KIF26A: variants seen among roughly 807,000 people sequenced by gnomAD.
KIF26A encodes the protein kinesin-like protein KIF26A.
Under a neutral mutation model 126.0 loss-of-function variants are expected in KIF26A, and 74 were observed. The observed-to-expected ratio is 0.59, with a 90% confidence interval of 0.49 to 0.71. The LOEUF (loss-of-function observed/expected upper bound fraction) is 0.71. Among genes scored for constraint, KIF26A ranks in the 30% least tolerant of loss-of-function variants. KIF26A has a pLI of 0.00. For synonymous variants in KIF26A, 1,445 were observed against 1,232.7 expected (o/e 1.17, Z -3.61); for missense variants, 2,984 against 2,763.3 (o/e 1.08, Z -1.79).
Position 104,176,823 on chromosome 14 carries a change from T to A in KIF26A, c.4035T>A (p.Gly1345=). ...AGGCCTCCCCCACCAGCAAGAAGGG[T>A]CTGGCTCCCAAGGCGGGCTTCCTCC... The part of the protein sequence containing the change: ...SLKASPTSKK[G]LAPKAGFLPR... Residue 1345 remains glycine, a synonymous_variant, in exon 12 of 15, where the codon GGT becomes GGA. Coordinates refer to ENST00000423312, the MANE Select transcript of KIF26A (RefSeq NM_015656.2). 1 of 1,554,622 alleles carries A rather than the reference T, an allele frequency of 6.4e-7. No homozygotes were observed. Among genetic ancestry groups the A allele is most frequent in the Non-Finnish European group, 8.7e-7 (1 of 1,150,728 alleles).
At chr14:104,166,141 C>G (rs181633808) in intron 4 of KIF26A, among the ~76,000 whole-genome samples, 1 of 151,722 alleles carries the variant, frequency 6.6e-6, no homozygotes, top group Non-Finnish European at 1.5e-5. Context: ...AGGGTGGCAG[C>G]GGGGGCACTT....
chr14:104,179,374 T>C lies in KIF26A; in HGVS notation c.5455T>C (p.Trp1819Arg), dbSNP rs1012882300. 3.3e-6 allele frequency: 5 copies of C among 1,525,926 alleles called. No homozygotes were observed. The highest frequency in any genetic ancestry group is 4.4e-6 in the Non-Finnish European group (5 of 1,140,506). 94.5% of individuals were successfully genotyped at this position (1,525,926 alleles called of 1,614,324 possible). The stretch of plus-strand genomic sequence containing the variant: ...CCGGCTGATGCTGGAGCCTGGCCGC[T>C]GGCTGGAGCAGTGTGAGTCCCGCCC... Reference protein sequence around the residue: ...QGRLMLEPGRWLEQFEVDPEL... With the variant: ...QGRLMLEPGRRLEQFEVDPEL... Residue 1819 changes from tryptophan to arginine, a missense_variant, in exon 14 of 15, where the codon TGG (tryptophan) becomes CGG (arginine). Physicochemically the swap from Trp to Arg is moderately radical, Grantham distance 101 (BLOSUM62 -3). Transcript: ENST00000423312.
chr14:104,161,484 C>T (rs958964531), intron 4 of KIF26A, among the ~76,000 whole-genome samples: 4 of 152,206 alleles, frequency 2.6e-5, no homozygotes, highest in East Asian at 3.8e-4. Context: ...TGTTTGGAAG[C>T]GGTGATTTTT....
chr14:104,176,868 C>A lies in KIF26A; in HGVS notation c.4080C>A (p.Ala1360=), dbSNP rs143446561. 3.2e-6 allele frequency: 5 copies of A among 1,542,210 alleles called. No homozygotes were observed. The highest frequency in any genetic ancestry group is 1.2e-5 in the South Asian group (1 of 83,614). The change falls in exon 12 of 15, where the codon GCC becomes GCA. Residue 1360 remains alanine (A), a synonymous_variant. Coordinates refer to ENST00000423312, the MANE Select transcript of KIF26A (RefSeq NM_015656.2). ...TCCTCCCGAGGCCCAGTGGGGCGGC[C>A]CCCCCGGCCCCACCCACGCGGAAGT... ...AGFLPRPSGA[A]PPAPPTRKSS...
rs1176750164 is a variant in KIF26A, at chr14:104,176,418, C to A, written c.3630C>A (p.Leu1210=). Residue 1210 remains leucine (L), a synonymous_variant, in exon 12 of 15, where the codon CTC becomes CTA. Coordinates refer to ENST00000423312, the MANE Select transcript of KIF26A (RefSeq NM_015656.2). ...ASAAQTIHSS[L]PRKPRTASAT... ...CAGCCCAGACCATCCACTCCAGCCT[C>A]CCCCGGAAACCGAGGACTGCCTCTG... The A allele has an allele frequency of 4.4e-6, 7 of 1,593,104 alleles. No homozygotes were observed. The highest frequency in any genetic ancestry group is 6.0e-6 in the Non-Finnish European group (7 of 1,166,908).
At position 104,172,753 on chromosome 14, in the gene KIF26A, G is replaced by A. The variant is rs2037972392; in HGVS notation, c.1420+85G>A. The A allele has an allele frequency of 2.5e-6, 3 of 1,185,174 alleles. No individual in the cohort carries two copies. In the African/African-American group the frequency reaches 4.6e-5, roughly 18 times the overall value. The allele number at this position is 1,185,174 out of a possible 1,614,324, so 73.4% of individuals were successfully genotyped here. A position where few individuals can be genotyped will look rare whatever the true frequency, so the allele number is the denominator to read the frequency against. Reference sequence around the variant, plus strand: ...ACGGTGGTTGCTGGCAGCTTCTGATGGGAAAGGAGGCTGGTCCTACACATG... The same window carrying A: ...ACGGTGGTTGCTGGCAGCTTCTGATAGGAAAGGAGGCTGGTCCTACACATG... On this transcript the variant is annotated intron_variant, in intron 7 of 14. Coordinates refer to ENST00000423312, the MANE Select transcript of KIF26A (RefSeq NM_015656.2).
At chr14:104,165,789 CTCTG>C (rs1450980062) in intron 4 of KIF26A, among the ~76,000 whole-genome samples, 1 of 143,588 alleles carries the variant, frequency 7.0e-6, no homozygotes, top group Non-Finnish European at 1.6e-5. Flanking sequence ...GTCTCTGTGT[CTCTG>C]TGTGCATATG....
chr14:104,173,140 G>A lies in KIF26A; in HGVS notation c.1584G>A (p.Gln528=). The change falls in exon 8 of 15, where the codon CAG becomes CAA. Residue 528 remains glutamine, a synonymous_variant. Transcript: ENST00000423312. ...CCGTGGAGGTGTGCGGGCGCGACCA[G>A]AGCCTGCGGGACCTGCTGGCCGAGG... is the stretch of plus-strand genomic sequence containing the variant. ...VSAVEVCGRD[Q]SLRDLLAEVA... The A allele has an allele frequency of 6.2e-7, 1 of 1,610,314 alleles. No homozygotes were observed. Among genetic ancestry groups the A allele is most frequent in the South Asian group, 1.1e-5 (1 of 90,676 alleles).
intron 2 of KIF26A, among the ~76,000 whole-genome samples, chr14:104,149,994 C>T (rs1454153255): frequency 6.6e-6 from 1 of 152,200 alleles, no homozygotes; most frequent in Non-Finnish European, 1.5e-5. Context: ...AAAACAGGCC[C>T]TGTCTGCCCT....
intron 1 of KIF26A, 42 bp downstream of exon 1, chr14:104,138,806 G>C (rs2037608120): frequency 3.2e-6 from 4 of 1,258,620 alleles, no homozygotes; most frequent in Non-Finnish European, 2.0e-6. Flanking sequence ...GGCGGCGGGG[G>C]CCCGGGACGG....
Position 104,179,813 on chromosome 14 carries a change from G to A in KIF26A, c.*23G>A, listed in dbSNP as rs1031315610. 1 of 1,505,644 alleles carries A rather than the reference G, an allele frequency of 6.6e-7. No individual in the cohort carries two copies. Among genetic ancestry groups the A allele is most frequent in the Admixed American group, 2.1e-5 (1 of 47,776 alleles). 93.3% of individuals were successfully genotyped at this position (1,505,644 alleles called of 1,614,324 possible). A position where few individuals can be genotyped will look rare whatever the true frequency, so the allele number is the denominator to read the frequency against. Reference sequence around the variant, plus strand: ...TGAGGCTGGGCGCCGGACAAGAGGAGGGGGCGTGCAGCGGGCTGGAGGACG... The same window carrying A: ...TGAGGCTGGGCGCCGGACAAGAGGAAGGGGCGTGCAGCGGGCTGGAGGACG... On this transcript the variant is annotated 3_prime_UTR_variant, in exon 15 of 15. Coordinates refer to ENST00000423312, the MANE Select transcript of KIF26A (RefSeq NM_015656.2).
chr14:104,179,275 C>G lies in KIF26A; in HGVS notation c.5356C>G (p.Arg1786Gly). The G allele has an allele frequency of 1.3e-6, 2 of 1,527,712 alleles. No homozygotes were observed. The highest frequency in any genetic ancestry group is 1.8e-6 in the Non-Finnish European group (2 of 1,141,812). The allele number at this position is 1,527,712 out of a possible 1,614,324, so 94.6% of individuals were successfully genotyped here. A position where few individuals can be genotyped will look rare whatever the true frequency, so the allele number is the denominator to read the frequency against. ...CAGTACAAGGCTGCGGCTGGCGGAG[C>G]GCAGGCAGCAGCGGCTGCGGGAGGT... ...CVSTRLRLAE[R>G]RQQRLREVQA... Residue 1786 changes from arginine (R) to glycine (G), a missense_variant, in exon 14 of 15, where the codon CGC becomes GGC. Coordinates refer to ENST00000423312, the MANE Select transcript of KIF26A (RefSeq NM_015656.2).
chr14:104,138,996 A>T, intron 1 of KIF26A, 47 bp from the exon 2 acceptor site: 14 of 1,323,164 alleles, frequency 1.1e-5, no homozygotes, highest in Non-Finnish European at 1.3e-5. Flanking sequence ...TCTGGATCCG[A>T]CGGACGTCCC....
chr14:104,157,651 C>T (rs955114328), intron 3 of KIF26A, 104 bp from the exon 4 acceptor site: 1 of 1,254,804 alleles, frequency 8.0e-7, no homozygotes, highest in Non-Finnish European at 1.1e-6. Flanking sequence ...CAGGAATGTG[C>T]TGGGCTCTGG....
intron 3 of KIF26A, among the ~76,000 whole-genome samples, chr14:104,153,305 G>C (rs1321151656): frequency 6.6e-6 from 1 of 152,128 alleles, no homozygotes; most frequent in Non-Finnish European, 1.5e-5. Flanking sequence ...TAGGGGTCGA[G>C]GTACGCCGAG....
rs773812919 is a variant in KIF26A, at chr14:104,175,597, G to A, written c.2809G>A (p.Glu937Lys). 1 of 1,610,136 alleles carries A rather than the reference G, an allele frequency of 6.2e-7. No individual in the cohort carries two copies. Among genetic ancestry groups the A allele is most frequent in the African/African-American group, 1.3e-5 (1 of 74,942 alleles). The change falls in exon 12 of 15, where the codon GAA becomes AAA. Residue 937 changes from glutamate (E) to lysine (K), a missense_variant. Transcript: ENST00000423312. The part of the protein sequence containing the change: ...SSAWPELLVP[E>K]KAAVSGGRRP... ...CGCTTGGCCTGAGCTGCTGGTCCCG[G>A]AAAAGGCTGCAGTGAGTGGAGGCAG...
rs2038083077 is a variant in KIF26A, at chr14:104,179,876, G to GC, written c.*86_*87insC. ...GAGCGAGGATGTGGTGGGGGCTGCG[G>GC]GGGGAGGATGCGGAGGGGTTTCTGT... On this transcript the variant is annotated 3_prime_UTR_variant, in exon 15 of 15. Transcript: ENST00000423312. 2 of 1,329,162 alleles carry GC rather than the reference G, an allele frequency of 1.5e-6. No homozygotes were observed. The highest frequency in any genetic ancestry group is 3.0e-5 in the African/African-American group (2 of 67,562). 82.3% of individuals were successfully genotyped at this position (1,329,162 alleles called of 1,614,324 possible).
Position 104,148,655 on chromosome 14 carries a change from T to A in KIF26A, c.289-3360T>A. Among the ~76,000 whole-genome samples, 1 of 9,112 alleles carries A rather than the reference T, an allele frequency of 1.1e-4. No individual in the cohort carries two copies. Among genetic ancestry groups the A allele is most frequent in the East Asian group, 3.1e-3 (1 of 320 alleles). 6.0% of individuals were successfully genotyped at this position (9,112 alleles called of 152,430 possible). On this transcript the variant is annotated intron_variant, in intron 2 of 14. Coordinates refer to ENST00000423312, the MANE Select transcript of KIF26A (RefSeq NM_015656.2). The surrounding 1 kb of genome is among the most constrained non-coding windows in gnomAD (Gnocchi z 4.3). ...TGTTGTTGGCGGTGGGGGCTGTGCG[T>A]GGCCGGGGAGGGGGAGGGGGAGGGG...
intron 11 of KIF26A, 73 bp from the exon 12 acceptor site, chr14:104,174,909 C>T: frequency 2.1e-6 from 3 of 1,427,498 alleles, no homozygotes; most frequent in Non-Finnish European, 2.8e-6. Flanking sequence ...TGGCCCTGTG[C>T]TCTGGGGAGG....
Sources: allele counts gnomAD v4.1 joint callset (sites outside exome capture counted in the v4.1 genomes callset), GRCh38; gene constraint gnomAD v4.1.1; non-coding constraint Gnocchi (gnomAD v3.1); transcripts MANE v1.5; gene names NCBI Gene and HGNC (gene_info 2026-07-23, HGNC 2026-07-21).